The following ST8SIA6 variants were observed in gnomAD, a reference collection of about 807,000 sequenced individuals.
ST8SIA6 encodes alpha-2,8-sialyltransferase 8F.
Under a neutral mutation model 33.6 loss-of-function variants are expected in ST8SIA6, and 39 were observed. The observed-to-expected ratio is 1.16, with a 90% CI of 0.90 to 1.52. ST8SIA6 has a LOEUF of 1.52. Among genes scored for constraint, ST8SIA6 ranks in the 40% most tolerant of loss-of-function variants. The pLI, the probability that ST8SIA6 is intolerant of heterozygous loss-of-function variation, is 0.00. For missense variants in ST8SIA6, 441 were observed against 443.8 expected (o/e 0.99, Z 0.06); for synonymous variants, 172 against 167.2 (o/e 1.03, Z -0.22).
At chr10:17,436,511 A>G (rs1852260814) in intron 2 of ST8SIA6, among the ~76,000 whole-genome samples, 1 of 136,076 alleles carries the variant, frequency 7.3e-6, no homozygotes, top group Non-Finnish European at 1.6e-5. Context: ...TCCTAATGCT[A>G]TCCCTCCCCC....
rs1847823476 is a variant in ST8SIA6 at position 17,317,837 on chromosome 10, T to G, written c.*3041A>C. Among the ~76,000 whole-genome samples, 1 of 152,216 alleles carries G rather than the reference T, an allele frequency of 6.6e-6. No homozygotes were observed. Among genetic ancestry groups the G allele is most frequent in the East Asian group, 1.9e-4 (1 of 5,202 alleles). ...CCTGGCTGAGAGCCCACGCAGTTAC[T>G]GGGTTAGGACTTACATGAAGAAGGA... On this transcript the variant is annotated 3_prime_UTR_variant, in exon 8 of 8. Coordinates refer to ENST00000377602, the MANE Select transcript of ST8SIA6 (RefSeq NM_001004470.3).
intron 4 of ST8SIA6, among the ~76,000 whole-genome samples, chr10:17,358,014 A>C (rs1564419558): frequency 6.6e-6 from 1 of 152,162 alleles, no homozygotes; most frequent in Non-Finnish European, 1.5e-5. Context: ...TCTCAAATCC[A>C]GTCTCAAATA....
At chr10:17,375,537 A>G (rs1849885373) in intron 3 of ST8SIA6, among the ~76,000 whole-genome samples, 2 of 152,356 alleles carry the variant, frequency 1.3e-5, no homozygotes, top group Admixed American at 6.5e-5. Flanking sequence ...CATGAGGAAC[A>G]TATCTTTCAG....
intron 6 of ST8SIA6, 72 bp from the exon 7 acceptor site, chr10:17,323,229 G>GCGCACGCGCA (rs112083592): frequency 5.8e-5 from 46 of 794,486 alleles, no homozygotes; most frequent in East Asian, 5.0e-4. Flanking sequence ...ACATATGCGC[G>GCGCACGCGCA]CACACACACA....
intron 2 of ST8SIA6, among the ~76,000 whole-genome samples, chr10:17,399,566 G>C (rs1477090067): frequency 6.6e-6 from 1 of 152,114 alleles, no homozygotes; most frequent in Non-Finnish European, 1.5e-5. Flanking sequence ...CTCTGCTTCT[G>C]AGTCAGTTAC....
chr10:17,401,421 A>G (rs1247144616), intron 2 of ST8SIA6, among the ~76,000 whole-genome samples: 2 of 152,234 alleles, frequency 1.3e-5, no homozygotes, highest in Non-Finnish European at 2.9e-5. Context: ...ACAGAATTGG[A>G]AAGAACTACT....
intron 3 of ST8SIA6, among the ~76,000 whole-genome samples, chr10:17,388,729 T>G (rs2131659193): frequency 6.6e-6 from 1 of 152,336 alleles, no homozygotes; most frequent in South Asian, 2.1e-4. Context: ...TAAGCTGTCC[T>G]TGTTTATTCC....
In ST8SIA6 at chr10:17,318,689, A is replaced by G. The variant is rs1173448718; in HGVS notation, c.*2189T>C. ...AGTCAGACTTGGTTGTGGCGAATCT[A>G]CAAATCTACAAGATGGAGTTTATAG... is the stretch of plus-strand genomic sequence containing the variant. On this transcript the variant is annotated 3_prime_UTR_variant, in exon 8 of 8. Coordinates refer to ENST00000377602, the MANE Select transcript of ST8SIA6 (RefSeq NM_001004470.3). The G allele has an allele frequency of 2.1e-6, 1 of 471,140 alleles. No individual in the cohort carries two copies. The allele number at this position is 471,140 out of a possible 1,614,324, so 29.2% of individuals were successfully genotyped here.
intron 3 of ST8SIA6, among the ~76,000 whole-genome samples, chr10:17,369,176 T>A (rs1160315920): frequency 3.9e-5 from 6 of 152,206 alleles, no homozygotes; most frequent in African/African-American, 1.4e-4. Context: ...TCAAACATCA[T>A]CGCAGTCAAT....
At chr10:17,430,012 T>C (rs1449114393) in intron 2 of ST8SIA6, among the ~76,000 whole-genome samples, 1 of 152,168 alleles carries the variant, frequency 6.6e-6, no homozygotes, top group Non-Finnish European at 1.5e-5. Context: ...GCAGTGTACA[T>C]TGTACCTATG....
chr10:17,348,684 T>C (rs1396031436), intron 4 of ST8SIA6, among the ~76,000 whole-genome samples: 1 of 152,196 alleles, frequency 6.6e-6, no homozygotes, highest in Non-Finnish European at 1.5e-5. Flanking sequence ...CACGGTTCGC[T>C]GTGGAATTCA....
intron 4 of ST8SIA6, among the ~76,000 whole-genome samples, chr10:17,331,821 T>C (rs4748369): frequency 0.36 from 54,811 of 152,034 alleles, 11,338 homozygotes; most frequent in African/African-American, 0.56. Context: ...CTGGGATACA[T>C]ATGCAGACAT....
chr10:17,332,392 T>G (rs433056), intron 4 of ST8SIA6, among the ~76,000 whole-genome samples: 1 of 152,124 alleles, frequency 6.6e-6, no homozygotes, highest in African/African-American at 2.4e-5. Flanking sequence ...ATGGTTGAAC[T>G]AATTTACACT....
At chr10:17,366,068 C>G (rs776809209) in intron 3 of ST8SIA6, among the ~76,000 whole-genome samples, 2 of 152,068 alleles carry the variant, frequency 1.3e-5, no homozygotes, top group Non-Finnish European at 2.9e-5. Flanking sequence ...CTGGGTAATA[C>G]TCTTTAAAGG....
intron 2 of ST8SIA6, among the ~76,000 whole-genome samples, chr10:17,409,131 C>G (rs1851366068): frequency 6.6e-6 from 1 of 152,086 alleles, no homozygotes; most frequent in South Asian, 2.1e-4. Flanking sequence ...TCAGTGTTGA[C>G]TCCATGCTAA....
chr10:17,430,190 T>C (rs1439986257), intron 2 of ST8SIA6, among the ~76,000 whole-genome samples: 7 of 152,226 alleles, frequency 4.6e-5, no homozygotes, highest in Admixed American at 4.6e-4. Flanking sequence ...TTAAGAATAA[T>C]GGCCGCCAGC....
intron 2 of ST8SIA6, among the ~76,000 whole-genome samples, chr10:17,418,568 C>T (rs1851671597): frequency 6.6e-6 from 1 of 152,188 alleles, no homozygotes; most frequent in South Asian, 2.1e-4. Context: ...GATTCGAACC[C>T]ATGGCTTTTA....
At chr10:17,451,801 A>G (rs565833198) in intron 2 of ST8SIA6, among the ~76,000 whole-genome samples, 1 of 152,348 alleles carries the variant, frequency 6.6e-6, no homozygotes, top group East Asian at 1.9e-4. Flanking sequence ...AAAATCATAA[A>G]TGATAAAGGG....
In ST8SIA6 at chr10:17,316,071, C is replaced by A. The variant is rs1419739282; in HGVS notation, c.*4807G>T. Among the ~76,000 whole-genome samples the A allele has an allele frequency of 2.6e-5, 4 of 151,890 alleles. No individual in the cohort carries two copies. The highest frequency in any genetic ancestry group is 9.7e-5 in the African/African-American group (4 of 41,392). ...TTTATTTATGTAGTAGTAAGAATAT[C>A]ATATGTGAGTATAAGAATATATATG... On this transcript the variant is annotated 3_prime_UTR_variant, in exon 8 of 8. Coordinates refer to ENST00000377602, the MANE Select transcript of ST8SIA6 (RefSeq NM_001004470.3).
Sources: gnomAD v4.1 joint callset for allele counts (sites outside exome capture counted in the v4.1 genomes callset) on GRCh38, gnomAD v4.1.1 for gene constraint, MANE v1.5 for transcripts, NCBI Gene and HGNC (gene_info 2026-07-23, HGNC 2026-07-21) for gene names.